The following EFHD1 variants were observed in gnomAD, a reference collection of about 807,000 sequenced individuals.
EFHD1 encodes EF-hand domain family member D1, also known as EF-hand domain-containing protein D1.
EFHD1 carries 10 observed loss-of-function variants against 17.2 expected under a neutral mutation model. The observed-to-expected ratio is 0.58, with a 90% CI of 0.36 to 0.99. The LOEUF (loss-of-function observed/expected upper bound fraction) is 0.99. Among genes scored for constraint, EFHD1 ranks in the 50% least tolerant of loss-of-function variants. EFHD1 has a pLI of 0.01. For synonymous variants in EFHD1, 153 were observed against 142.0 expected (o/e 1.08, Z -0.55); for missense variants, 310 against 327.5 (o/e 0.95, Z 0.41).
At chr2:232,671,949 CG>C (rs1695076427) in intron 2 of EFHD1, among the ~76,000 whole-genome samples, 1 of 150,110 alleles carries the variant, frequency 6.7e-6, no homozygotes, top group African/African-American at 2.5e-5. Context: ...CCCAGCTACT[CG>C]GGAGGCTGAG....
chr2:232,641,100 T>C (rs1301783162), intron 1 of EFHD1, among the ~76,000 whole-genome samples: 1 of 152,158 alleles, frequency 6.6e-6, no homozygotes, highest in Non-Finnish European at 1.5e-5. Flanking sequence ...TGGAGTGCAG[T>C]TGCACAGTCT....
At chr2:232,619,570 CA>C (rs1693985711) in intron 1 of EFHD1, among the ~76,000 whole-genome samples, 1 of 152,128 alleles carries the variant, frequency 6.6e-6, no homozygotes, top group South Asian at 2.1e-4. Flanking sequence ...CTCAGCCTCC[CA>C]AAGGCTGGAA....
intron 1 of EFHD1, among the ~76,000 whole-genome samples, chr2:232,649,492 TG>T (rs1694597286): frequency 6.6e-6 from 1 of 152,130 alleles, no homozygotes; most frequent in Non-Finnish European, 1.5e-5. Context: ...GTGGCGGATT[TG>T]GGTTTTCCCC....
At chr2:232,618,805 G>A (rs1445439344) in intron 1 of EFHD1, among the ~76,000 whole-genome samples, 2 of 151,792 alleles carry the variant, frequency 1.3e-5, no homozygotes, top group Non-Finnish European at 2.9e-5. Context: ...GAATGAAAGA[G>A]GCCAGACACA....
chr2:232,632,560 TG>T (rs1429222387), upstream of EFHD1, among the ~76,000 whole-genome samples: 1 of 152,198 alleles, frequency 6.6e-6, no homozygotes, highest in Non-Finnish European at 1.5e-5. Context: ...TTGTTAAAAA[TG>T]CTGATTTAAT....
At chr2:232,635,609 A>G (rs1185043215) in intron 1 of EFHD1, among the ~76,000 whole-genome samples, 2 of 152,196 alleles carry the variant, frequency 1.3e-5, no homozygotes, top group African/African-American at 2.4e-5. Flanking sequence ...ACCTGGGGTC[A>G]GGAGTTCAAG....
At chr2:232,621,491 C>T (rs1032104677) in intron 1 of EFHD1, among the ~76,000 whole-genome samples, 41 of 152,178 alleles carry the variant, frequency 2.7e-4, no homozygotes, top group Admixed American at 8.5e-4. Context: ...GTCACTCTGT[C>T]GCCCAGGCTA....
intron 1 of EFHD1, among the ~76,000 whole-genome samples, chr2:232,654,077 G>A (rs1694706958): frequency 6.6e-6 from 1 of 151,702 alleles, no homozygotes; most frequent in Non-Finnish European, 1.5e-5. Flanking sequence ...TGTGGTGGTG[G>A]GCACCTGTAA....
upstream of EFHD1, among the ~76,000 whole-genome samples, chr2:232,631,191 C>A (rs986728763): frequency 6.6e-6 from 1 of 151,988 alleles, no homozygotes; most frequent in Non-Finnish European, 1.5e-5. Flanking sequence ...CGCACCACTG[C>A]ACTTCAGCCT....
chr2:232,677,253 CAT>C (rs1053677063), intron 3 of EFHD1, among the ~76,000 whole-genome samples: 10 of 122,626 alleles, frequency 8.2e-5, no homozygotes, highest in Non-Finnish European at 1.5e-4. Flanking sequence ...TACACACACA[CAT>C]CTTTCTATAA....
Position 232,638,825 on chromosome 2 carries a change from T to G in EFHD1, c.302+4819T>G, listed in dbSNP as rs534539400. 6.0e-4 allele frequency among the ~76,000 whole-genome samples: 92 copies of G among 152,348 alleles called. 1 individual carries two copies. The highest frequency in any genetic ancestry group is 2.0e-3 in the African/African-American group (84 of 41,582). Reference sequence around the variant, plus strand: ...ATAGCTTCAGTCAACAGTGATCACCTTAGATGTGAAATTTTCTCACCTGCA... The same window carrying G: ...ATAGCTTCAGTCAACAGTGATCACCGTAGATGTGAAATTTTCTCACCTGCA... On this transcript the variant is annotated intron_variant, in intron 1 of 3. Coordinates refer to ENST00000264059, the MANE Select transcript of EFHD1 (RefSeq NM_025202.4).
intron 1 of EFHD1, among the ~76,000 whole-genome samples, chr2:232,614,036 A>C (rs1693870744): frequency 7.5e-6 from 1 of 133,770 alleles, no homozygotes; most frequent in Non-Finnish European, 1.7e-5. Context: ...ACACACAAAC[A>C]TACACAAACA....
chr2:232,619,283 G>A (rs1693980140), intron 1 of EFHD1, among the ~76,000 whole-genome samples: 1 of 151,068 alleles, frequency 6.6e-6, no homozygotes, highest in East Asian at 1.9e-4. Context: ...GGAGGAGGGG[G>A]AAATAAAGGG....
At chr2:232,613,097 C>A (rs1188773489) in intron 1 of EFHD1, among the ~76,000 whole-genome samples, 1 of 151,918 alleles carries the variant, frequency 6.6e-6, no homozygotes, top group Non-Finnish European at 1.5e-5. Flanking sequence ...AGGTAATTAA[C>A]CACCCCCTGC....
At chr2:232,640,254 C>G (rs889748700) in intron 1 of EFHD1, among the ~76,000 whole-genome samples, 2 of 152,170 alleles carry the variant, frequency 1.3e-5, no homozygotes, top group African/African-American at 4.8e-5. Flanking sequence ...AACAGGAATA[C>G]TTCTTCCATT....
chr2:232,663,986 G>A (rs1694924054), intron 2 of EFHD1, among the ~76,000 whole-genome samples: 1 of 151,934 alleles, frequency 6.6e-6, no homozygotes. Context: ...TAGAGATGAG[G>A]TCTCACTGTG....
chr2:232,650,789 G>T (rs1694637252), intron 1 of EFHD1, among the ~76,000 whole-genome samples: 1 of 151,432 alleles, frequency 6.6e-6, no homozygotes, highest in African/African-American at 2.4e-5. Flanking sequence ...GGCTGATCTT[G>T]AACTCCTGAC....
Position 232,681,901 on chromosome 2 carries a change from C to T in EFHD1, c.*182C>T. The T allele has an allele frequency of 1.1e-6, 1 of 951,692 alleles. No homozygotes were observed. Among genetic ancestry groups the T allele is most frequent in the Non-Finnish European group, 1.5e-6 (1 of 671,250 alleles). The allele number at this position is 951,692 out of a possible 1,614,324, so 59.0% of individuals were successfully genotyped here. A position where few individuals can be genotyped will look rare whatever the true frequency, so the allele number is the denominator to read the frequency against. On this transcript the variant is annotated 3_prime_UTR_variant, in exon 4 of 4. Transcript: ENST00000264059. ...GTGTCCAAGCCCCTCCAGGAGGGTC[C>T]TGGGGTGGGCCAGATGCCTGCCCAC...
chr2:232,672,171 G>A (rs899606178), intron 2 of EFHD1, 138 bp from the exon 3 acceptor site: 1 of 1,220,148 alleles, frequency 8.2e-7, no homozygotes, highest in African/African-American at 1.5e-5. Flanking sequence ...TCTGATGAGG[G>A]AAAAAAGTAA....
Sources: allele counts gnomAD v4.1 joint callset (sites outside exome capture counted in the v4.1 genomes callset), GRCh38; gene constraint gnomAD v4.1.1; transcripts MANE v1.5; gene names NCBI Gene and HGNC (gene_info 2026-07-23, HGNC 2026-07-21).